Variants in C2orf78 observed in about 807,000 individuals in gnomAD.
C2orf78 encodes the protein chromosome 2 open reading frame 78, also known as uncharacterized protein C2orf78.
A neutral mutation model predicts 21.4 loss-of-function variants in C2orf78; 12 were observed. The ratio of observed to expected loss-of-function variants is 0.56; its 90% CI spans 0.36 to 0.91. The LOEUF (loss-of-function observed/expected upper bound fraction) is 0.91, where lower values mean the gene tolerates loss of function less well. Ranked by LOEUF, C2orf78 falls within the 40% of genes least tolerant of loss-of-function variation. The probability of loss-of-function intolerance (pLI) is 0.01; values close to 1 mark genes in which losing one functional copy is unlikely to be tolerated. For synonymous variants in C2orf78, 396 were observed against 413.9 expected, an observed-to-expected ratio of 0.96 and a Z score of 0.52; for missense variants, 1,042 against 1,092.4, an observed-to-expected ratio of 0.95 and a Z score of 0.65.
At chr2:73,811,478 A>G (rs1673087949) in intron 1 of C2orf78, among the ~76,000 whole-genome samples, 1 of 152,228 alleles carries the variant, frequency 6.6e-6, no homozygotes, top group Non-Finnish European at 1.5e-5. Context: ...TCAGAAGAAC[A>G]ATACCTTTGC....
exon 2 of C2orf78, chr2:73,813,851 T>C: frequency 1.2e-6 from 2 of 1,613,946 alleles, no homozygotes; most frequent in Non-Finnish European, 8.5e-7. Flanking sequence ...AGCTGTCTCT[T>C]CCATGTCTAT....
exon 2 of C2orf78, chr2:73,813,624 C>T (rs759568473): frequency 3.0e-5 from 49 of 1,613,932 alleles, no homozygotes; most frequent in Admixed American, 1.0e-4. Context: ...TGGCTACAGC[C>T]ATCAGCCTCT....
At chr2:73,815,744 C>T in exon 3 of C2orf78, 6 of 1,613,106 alleles carry the variant, frequency 3.7e-6, no homozygotes, top group East Asian at 2.2e-5. Context: ...ATAAAGCTTC[C>T]GAGCCTATCC....
chr2:73,784,302 C>T lies in C2orf78; in HGVS notation c.-8C>T, dbSNP rs1434538169. On this transcript the variant is annotated 5_prime_UTR_variant, in exon 1 of 3. Transcript: ENST00000409561. Reference sequence around the variant, plus strand: ...TAACCAGTGACCAGTGGCCTTCATACTGGACACATGCACTGGTTGGCTTCA... The same window carrying T: ...TAACCAGTGACCAGTGGCCTTCATATTGGACACATGCACTGGTTGGCTTCA... 2.3e-6 allele frequency: 3 copies of T among 1,304,986 alleles called. No homozygotes were observed. In the East Asian group the frequency reaches 7.6e-5, roughly 33 times the overall value. The allele number at this position is 1,304,986 out of a possible 1,614,324, so 80.8% of individuals were successfully genotyped here. A position where few individuals can be genotyped will look rare whatever the true frequency, so the allele number is the denominator to read the frequency against.
rs568164039 is a variant in C2orf78, at chr2:73,816,576, C to A, written c.2353C>A (p.Gln785Lys). The A allele has an allele frequency of 7.4e-6, 12 of 1,613,342 alleles. No homozygotes were observed. In the South Asian group the frequency reaches 1.1e-4, roughly 15 times the overall value. ...TTTGACAGGTCCTGCCACACCAGCTCAGCCAATTTCAGCCAAAGCAACCCA... is the reference window on the plus strand; with the variant it reads ...TTTGACAGGTCCTGCCACACCAGCTAAGCCAATTTCAGCCAAAGCAACCCA... The change falls in exon 3 of 3, where the codon CAG becomes AAG. Residue 785 changes from glutamine to lysine, a missense_variant. This residue lies in a region of C2orf78 where 1,039 missense variants were observed against 1,069.7 expected (regional missense o/e 0.97). Coordinates refer to ENST00000409561, the Ensembl canonical transcript of C2orf78.
intron 1 of C2orf78, 150 bp downstream of exon 1, chr2:73,784,556 A>C (rs1035677882): frequency 9.3e-6 from 7 of 752,532 alleles, no homozygotes; most frequent in Non-Finnish European, 1.4e-5. Flanking sequence ...TTTGGCTTTG[A>C]CATTTACTAG....
exon 3 of C2orf78, chr2:73,815,212 A>G: frequency 6.2e-7 from 1 of 1,613,966 alleles, no homozygotes; most frequent in Middle Eastern, 1.6e-4. Flanking sequence ...CCATCACCTG[A>G]GCTTGGGGAC....
rs1167759975 is a variant in C2orf78, at chr2:73,784,530, G to C, written c.97+124G>C. The C allele has an allele frequency of 7.9e-5, 49 of 618,816 alleles. No individual in the cohort carries two copies. In the East Asian group the frequency reaches 1.5e-3, roughly 19 times the overall value. 38.3% of individuals were successfully genotyped at this position (618,816 alleles called of 1,614,324 possible). A position where few individuals can be genotyped will look rare whatever the true frequency, so the allele number is the denominator to read the frequency against. ...GGGAAAGTATTGAAGTAGAAATCCAGAGACCTCATTTCAGTTTTGGCTTTG... is the reference window on the plus strand; with the variant it reads ...GGGAAAGTATTGAAGTAGAAATCCACAGACCTCATTTCAGTTTTGGCTTTG... On this transcript the variant is annotated intron_variant, in intron 1 of 2. Coordinates refer to ENST00000409561, the Ensembl canonical transcript of C2orf78.
chr2:73,807,204 A>G (rs1371403444), intron 1 of C2orf78, among the ~76,000 whole-genome samples: 2 of 90,428 alleles, frequency 2.2e-5, no homozygotes, highest in Non-Finnish European at 4.1e-5. Context: ...AGAATTGTCT[A>G]TTTTGTTAAT....
In C2orf78 at chr2:73,814,232, T is replaced by C; in HGVS notation, c.847+6T>C. 1 of 1,551,206 alleles carries C rather than the reference T, an allele frequency of 6.4e-7. No individual in the cohort carries two copies. ...CACAGAAACCAGTGTTCAAGGTGAG[T>C]ACAAACATCAAGAAAGGAGAGGAAT... On this transcript the variant is annotated splice_donor_region_variant and intron_variant, in intron 2 of 2. Transcript: ENST00000409561.
chr2:73,808,249 A>G lies in C2orf78; in HGVS notation c.98-5228A>G, dbSNP rs1472651360. Among the ~76,000 whole-genome samples the G allele has an allele frequency of 9.9e-5, 15 of 151,000 alleles. 1 individual carries two copies. Among genetic ancestry groups the G allele is most frequent in the Non-Finnish European group, 1.8e-4 (12 of 68,018 alleles). The stretch of plus-strand genomic sequence containing the variant: ...AGCCTGGGTGACAGAGCCAGACTCC[A>G]TCTCACAAAAAATTCAATAAAATAA... On this transcript the variant is annotated intron_variant, in intron 1 of 2. Transcript: ENST00000409561.
exon 2 of C2orf78, chr2:73,813,490 T>C: frequency 6.2e-7 from 1 of 1,600,968 alleles, no homozygotes; most frequent in Non-Finnish European, 8.5e-7. Context: ...ATTTCCAAAA[T>C]ACGTCTTTAC....
chr2:73,815,743 C>G, exon 3 of C2orf78: 1 of 1,613,466 alleles, frequency 6.2e-7, no homozygotes, highest in East Asian at 2.2e-5. Context: ...CATAAAGCTT[C>G]CGAGCCTATC....
At chr2:73,812,707 G>A (rs1673113740) in intron 1 of C2orf78, among the ~76,000 whole-genome samples, 1 of 152,090 alleles carries the variant, frequency 6.6e-6, no homozygotes, top group African/African-American at 2.4e-5. Flanking sequence ...CAGCCTGGGT[G>A]ACAGAGTAAG....
At chr2:73,809,693 G>A (rs879369627) in intron 1 of C2orf78, among the ~76,000 whole-genome samples, 5 of 152,144 alleles carry the variant, frequency 3.3e-5, no homozygotes, top group Non-Finnish European at 7.4e-5. Flanking sequence ...GGGAGGATCA[G>A]ACGCTGCTTG....
intron 1 of C2orf78, among the ~76,000 whole-genome samples, chr2:73,785,776 G>A (rs1050177154): frequency 5.9e-5 from 9 of 152,018 alleles, no homozygotes; most frequent in African/African-American, 2.2e-4. Flanking sequence ...GCCAGGCTCG[G>A]TGGCTTACAC....
chr2:73,810,299 G>C (rs1286072767), intron 1 of C2orf78, among the ~76,000 whole-genome samples: 2 of 151,980 alleles, frequency 1.3e-5, no homozygotes, highest in Admixed American at 1.3e-4. Context: ...GGGAGGCCGA[G>C]GTGGGCTGAT....
intron 1 of C2orf78, among the ~76,000 whole-genome samples, chr2:73,798,204 C>A (rs1316041757): frequency 7.6e-6 from 1 of 131,588 alleles, no homozygotes; most frequent in East Asian, 2.1e-4. Context: ...GCCTGTAATC[C>A]CAGCACTCTG....
At chr2:73,816,360 C>T (rs756690015) in exon 3 of C2orf78, 1 of 1,613,804 alleles carries the variant, frequency 6.2e-7, no homozygotes. Context: ...GTTGCCACCA[C>T]CTGGGAAGGT....
Sources: gnomAD v4.1 joint callset for allele counts (sites outside exome capture counted in the v4.1 genomes callset) on GRCh38, gnomAD v4.1.1 for gene constraint, gnomAD v4.1.1 regional missense constraint, MANE v1.5 for transcripts, NCBI Gene and HGNC (gene_info 2026-07-23, HGNC 2026-07-21) for gene names.